The following HRH1 variants were observed in gnomAD, a reference collection of about 807,000 sequenced individuals.
HRH1 encodes histamine H1 receptor.
Under a neutral mutation model 10.3 loss-of-function variants are expected in HRH1, and 6 were observed. The observed-to-expected ratio is 0.58, with a 90% confidence interval of 0.32 to 1.15. The LOEUF (loss-of-function observed/expected upper bound fraction) is 1.15, where lower values mean the gene tolerates loss of function less well. HRH1 is among the 50% of genes most tolerant of loss of function. The pLI is 0.05. For synonymous variants in HRH1, 242 were observed against 236.7 expected (o/e 1.02, Z -0.21); for missense variants, 514 against 615.3 (o/e 0.84, Z 1.74).
intron 1 of HRH1, among the ~76,000 whole-genome samples, chr3:11,220,264 G>A (rs915064645): frequency 6.6e-6 from 1 of 152,100 alleles, no homozygotes; most frequent in Non-Finnish European, 1.5e-5. Context: ...TTGGACCTGG[G>A]TCTAAGAAAC....
At chr3:11,188,168 T>A (rs1390502813) in intron 1 of HRH1, among the ~76,000 whole-genome samples, 1 of 152,262 alleles carries the variant, frequency 6.6e-6, no homozygotes, top group Non-Finnish European at 1.5e-5. Context: ...CAATTTTTTT[T>A]AATTGACAAT....
At chr3:11,242,046 A>G (rs1246595492) in intron 1 of HRH1, among the ~76,000 whole-genome samples, 1 of 152,134 alleles carries the variant, frequency 6.6e-6, no homozygotes, top group Non-Finnish European at 1.5e-5. Flanking sequence ...ATGGGAGGGG[A>G]CAAATACGGG....
chr3:11,187,508 G>A (rs928371590), intron 1 of HRH1, among the ~76,000 whole-genome samples: 1 of 152,086 alleles, frequency 6.6e-6, no homozygotes, highest in Non-Finnish European at 1.5e-5. Context: ...TGTAAAATGG[G>A]GGCAAAACCT....
intron 1 of HRH1, among the ~76,000 whole-genome samples, chr3:11,206,605 T>G (rs1405910607): frequency 1.3e-5 from 2 of 152,234 alleles, no homozygotes; most frequent in Non-Finnish European, 2.9e-5. Flanking sequence ...TTACCTATAA[T>G]TATGTAATTT....
At chr3:11,157,493 C>T (rs944934088) in intron 1 of HRH1, among the ~76,000 whole-genome samples, 1 of 152,124 alleles carries the variant, frequency 6.6e-6, no homozygotes, top group African/African-American at 2.4e-5. Flanking sequence ...TTCTGAATCT[C>T]GGGATGTAAT....
chr3:11,163,993 TC>T (rs1370725721), intron 1 of HRH1, among the ~76,000 whole-genome samples: 2 of 152,170 alleles, frequency 1.3e-5, no homozygotes, highest in African/African-American at 4.8e-5. Flanking sequence ...GTAACTGATT[TC>T]CCTCCATATC....
intron 1 of HRH1, among the ~76,000 whole-genome samples, chr3:11,179,770 T>C (rs57608432): frequency 9.1e-6 from 1 of 109,520 alleles, no homozygotes; most frequent in Admixed American, 8.4e-5. Flanking sequence ...TGTGTGTGGC[T>C]TTTTTTTTTT....
chr3:11,149,484 T>C (rs909449791), intron 1 of HRH1, among the ~76,000 whole-genome samples: 1 of 151,982 alleles, frequency 6.6e-6, no homozygotes, highest in African/African-American at 2.4e-5. Flanking sequence ...TCAAAGAAAA[T>C]AAAAATCTGT....
intron 1 of HRH1, among the ~76,000 whole-genome samples, chr3:11,179,799 G>C (rs55833105): frequency 0.1 from 14,806 of 146,890 alleles, 1,546 homozygotes; most frequent in African/African-American, 0.27. Flanking sequence ...GAGACAAGGT[G>C]TCACTCTGCC....
At chr3:11,144,369 GTATATATA>G (rs200972291) in intron 1 of HRH1, among the ~76,000 whole-genome samples, 4 of 10,632 alleles carry the variant, frequency 3.8e-4, no homozygotes, top group African/African-American at 2.3e-3. Context: ...GTGTGTGTGT[GTATATATA>G]TGTCTATATG....
In HRH1 at chr3:11,154,849, C is replaced by A. The variant is rs974424469; in HGVS notation, c.-36+295C>A. Reference sequence around the variant, plus strand: ...GGGCAGGGTGCGCGCCCTGAGCGTCCGTCTTTGAGCTCGGGCGAGCAGAGG... The same window carrying A: ...GGGCAGGGTGCGCGCCCTGAGCGTCAGTCTTTGAGCTCGGGCGAGCAGAGG... On this transcript the variant is annotated intron_variant, in intron 1 of 1. Transcript: ENST00000431010. This position sits in a 1 kb window ranked among gnomAD's most constrained non-coding sequence, Gnocchi z 4.4. 1.3e-5 allele frequency among the ~76,000 whole-genome samples: 2 copies of A among 152,066 alleles called. No individual in the cohort carries two copies. The highest frequency in any genetic ancestry group is 1.5e-5 in the Non-Finnish European group (1 of 68,016).
chr3:11,217,724 T>TTA (rs1187990785), intron 1 of HRH1, among the ~76,000 whole-genome samples: 1 of 152,190 alleles, frequency 6.6e-6, no homozygotes, highest in African/African-American at 2.4e-5. Flanking sequence ...AAATTCTGTA[T>TTA]TATATATATT....
chr3:11,239,630 T>C (rs890112843), intron 1 of HRH1, among the ~76,000 whole-genome samples: 11 of 152,214 alleles, frequency 7.2e-5, no homozygotes, highest in African/African-American at 2.7e-4. Context: ...TTTAGGACTA[T>C]CATCAATTAT....
At chr3:11,257,926 C>T (rs1939826175) in intron 1 of HRH1, among the ~76,000 whole-genome samples, 1 of 152,188 alleles carries the variant, frequency 6.6e-6, no homozygotes, top group Non-Finnish European at 1.5e-5. Context: ...ATCCTCCCAC[C>T]TCAGACTCCC....
chr3:11,186,115 G>C (rs1030451450), intron 1 of HRH1, among the ~76,000 whole-genome samples: 2 of 152,120 alleles, frequency 1.3e-5, no homozygotes, highest in Non-Finnish European at 2.9e-5. Context: ...ATCGAGCCCT[G>C]TTTTAAGCCC....
At chr3:11,250,692 G>A (rs1939624714) in intron 1 of HRH1, among the ~76,000 whole-genome samples, 1 of 152,192 alleles carries the variant, frequency 6.6e-6, no homozygotes, top group Admixed American at 6.5e-5. Context: ...ATCAGTAGTA[G>A]AATGTAGATA....
chr3:11,245,765 C>T (rs1022549557), intron 1 of HRH1, among the ~76,000 whole-genome samples: 5 of 152,096 alleles, frequency 3.3e-5, no homozygotes, highest in African/African-American at 1.2e-4. Context: ...TGCTTTTTAC[C>T]AAGTAATCGC....
rs759187040 is a variant in HRH1, at chr3:11,259,107, A to G, written c.70A>G (p.Ser24Gly). The G allele has an allele frequency of 1.9e-6, 3 of 1,613,910 alleles. No individual in the cohort carries two copies. Among genetic ancestry groups the G allele is most frequent in the African/African-American group, 1.3e-5 (1 of 74,914 alleles). The change falls in exon 2 of 2, where the codon AGC (serine) becomes GGC (glycine). Residue 24 changes from serine (S) to glycine (G), a missense_variant. By Grantham distance (56) the Ser-to-Gly change is moderately conservative. Coordinates refer to ENST00000431010, the MANE Select transcript of HRH1 (RefSeq NM_001098212.2). This position sits in a 1 kb window ranked among gnomAD's most constrained non-coding sequence, Gnocchi z 4.6. ...MCEGNKTTMA[S>G]PQLMPLVVVL... ...TGAGGGCAACAAGACCACTATGGCC[A>G]GCCCCCAGCTGATGCCCCTGGTGGT... is the stretch of plus-strand genomic sequence containing the variant.
chr3:11,194,846 G>C (rs927219232), intron 1 of HRH1, among the ~76,000 whole-genome samples: 3 of 152,184 alleles, frequency 2.0e-5, no homozygotes, highest in African/African-American at 7.2e-5. Flanking sequence ...AGTCAGCTCA[G>C]TTTTTAATTT....
Sources: gnomAD v4.1 joint callset for allele counts (sites outside exome capture counted in the v4.1 genomes callset) on GRCh38, gnomAD v4.1.1 for gene constraint, Gnocchi (gnomAD v3.1) non-coding constraint, MANE v1.5 for transcripts, NCBI Gene and HGNC (gene_info 2026-07-23, HGNC 2026-07-21) for gene names.